NUDT19: variants seen among roughly 807,000 people sequenced by gnomAD.
The protein encoded by NUDT19 is nudix hydrolase 19, also known as acyl-coenzyme A diphosphatase NUDT19.
Under a neutral mutation model 22.2 loss-of-function variants are expected in NUDT19, and 31 were observed. The ratio of observed to expected loss-of-function variants is 1.40; its 90% CI spans 1.05 to 1.89. NUDT19 has a LOEUF of 1.89. NUDT19 is among the 40% of genes most tolerant of loss of function. NUDT19 has a pLI of 0.00. For missense variants in NUDT19, 752 were observed against 514.2 expected, an observed-to-expected ratio of 1.46 and a Z score of -4.47; for synonymous variants, 325 against 230.8, an observed-to-expected ratio of 1.41 and a Z score of -3.70.
chr19:32,700,598 T>A (rs938735556), intron 1 of NUDT19, among the ~76,000 whole-genome samples: 1 of 152,202 alleles, frequency 6.6e-6, no homozygotes, highest in Non-Finnish European at 1.5e-5. Context: ...CTTGGCTAAT[T>A]GTTTTATTTT....
chr19:32,707,265 A>C (rs866036908), intron 1 of NUDT19, among the ~76,000 whole-genome samples: 3 of 152,168 alleles, frequency 2.0e-5, no homozygotes, highest in Middle Eastern at 6.8e-3. Flanking sequence ...ACATAGAGAG[A>C]TTGGGTGGTC....
At chr19:32,703,322 A>T (rs1400145903) in intron 1 of NUDT19, among the ~76,000 whole-genome samples, 1 of 151,946 alleles carries the variant, frequency 6.6e-6, no homozygotes, top group Non-Finnish European at 1.5e-5. Context: ...TCTTAATGAG[A>T]AAAAATGTCT....
At chr19:32,705,062 C>A (rs1475507261) in intron 1 of NUDT19, among the ~76,000 whole-genome samples, 1 of 147,022 alleles carries the variant, frequency 6.8e-6, no homozygotes, top group African/African-American at 2.5e-5. Context: ...GCCGAGATCA[C>A]GCCATCGCAC....
At chr19:32,704,386 T>G (rs571026490) in intron 1 of NUDT19, among the ~76,000 whole-genome samples, 1 of 151,866 alleles carries the variant, frequency 6.6e-6, no homozygotes, top group Admixed American at 6.6e-5. Flanking sequence ...CTCAGCCTCC[T>G]GAGTAGCTGG....
At position 32,692,235 on chromosome 19, in the gene NUDT19, G is replaced by A. The variant is rs767875861; in HGVS notation, c.275G>A (p.Gly92Asp). 1.3e-6 allele frequency: 2 copies of A among 1,589,736 alleles called. No homozygotes were observed. Among genetic ancestry groups the A allele is most frequent in the South Asian group, 2.2e-5 (2 of 90,098 alleles). Residue 92 changes from glycine (G) to aspartate (D), a missense_variant, in exon 1 of 3, where the codon GGC becomes GAC. Gly to Asp is a moderately conservative substitution (Grantham distance 94). Coordinates refer to ENST00000397061, the MANE Select transcript of NUDT19 (RefSeq NM_001105570.2). ...CACGGGCCGCCGCGCTTCGGCCTGGGCCCGGCGCCATTCAGCCGCACCGCT... is the reference window on the plus strand; with the variant it reads ...CACGGGCCGCCGCGCTTCGGCCTGGACCCGGCGCCATTCAGCCGCACCGCT... Reference protein sequence around the residue: ...PHHGPPRFGLGPAPFSRTAFP... With the variant: ...PHHGPPRFGLDPAPFSRTAFP...
intron 1 of NUDT19, among the ~76,000 whole-genome samples, chr19:32,702,131 G>A (rs759303871): frequency 8.5e-5 from 13 of 152,330 alleles, no homozygotes; most frequent in African/African-American, 1.2e-4. Flanking sequence ...TCCCAGGAGA[G>A]TGCTGTAAAA....
At chr19:32,704,967 C>T (rs1599801076) in intron 1 of NUDT19, among the ~76,000 whole-genome samples, 1 of 151,662 alleles carries the variant, frequency 6.6e-6, no homozygotes, top group African/African-American at 2.4e-5. Flanking sequence ...ATTAGCTGGG[C>T]ATGGTGGCAG....
chr19:32,695,766 G>A (rs1035515681), intron 1 of NUDT19, among the ~76,000 whole-genome samples: 10 of 152,344 alleles, frequency 6.6e-5, no homozygotes, highest in Middle Eastern at 6.8e-3. Flanking sequence ...TCCCCCAGAG[G>A]TTAGGAACGC....
chr19:32,706,849 A>G (rs1968392482), intron 1 of NUDT19, among the ~76,000 whole-genome samples: 1 of 152,194 alleles, frequency 6.6e-6, no homozygotes, highest in Non-Finnish European at 1.5e-5. Context: ...TTCCTCTTGC[A>G]TAAGGGGAGA....
At position 32,692,362 on chromosome 19, in the gene NUDT19, G is replaced by A; in HGVS notation, c.402G>A (p.Glu134=). ...FRICAVREAF[E]EAGVLLLRPR... ...TCTGCGCCGTGCGGGAGGCCTTTGA[G>A]GAGGCGGGCGTGCTGCTGCTGCGGC... Residue 134 remains glutamate, a synonymous_variant, in exon 1 of 3, where the codon GAG becomes GAA. Transcript: ENST00000397061. The A allele has an allele frequency of 6.3e-7, 1 of 1,589,868 alleles. No individual in the cohort carries two copies. The highest frequency in any genetic ancestry group is 8.5e-7 in the Non-Finnish European group (1 of 1,175,856).
At chr19:32,703,698 T>C (rs1286939805) in intron 1 of NUDT19, among the ~76,000 whole-genome samples, 2 of 120,540 alleles carry the variant, frequency 1.7e-5, no homozygotes, top group Non-Finnish European at 3.3e-5. Context: ...AGTCTCACTC[T>C]GTCACCCAGG....
chr19:32,710,966 A>T (rs1968440923), intron 2 of NUDT19, among the ~76,000 whole-genome samples: 1 of 152,186 alleles, frequency 6.6e-6, no homozygotes, highest in Non-Finnish European at 1.5e-5. Flanking sequence ...TCTCTAAATT[A>T]ACCTGAAGAT....
intron 1 of NUDT19, among the ~76,000 whole-genome samples, chr19:32,703,801 T>C (rs1258412592): frequency 6.6e-6 from 1 of 151,726 alleles, no homozygotes; most frequent in Non-Finnish European, 1.5e-5. Flanking sequence ...TAGCTGAGAT[T>C]ACAGGCACCC....
At chr19:32,700,083 G>A (rs201780715) in intron 1 of NUDT19, among the ~76,000 whole-genome samples, 2 of 152,244 alleles carry the variant, frequency 1.3e-5, no homozygotes, top group Non-Finnish European at 2.9e-5. Context: ...GCAGCAGCAA[G>A]ATTTATTGCG....
rs993415102 is a variant in NUDT19, at chr19:32,708,999, C to A, written c.715-186C>A. On this transcript the variant is annotated intron_variant, in intron 1 of 2. Coordinates refer to ENST00000397061, the MANE Select transcript of NUDT19 (RefSeq NM_001105570.2). Reference sequence around the variant, plus strand: ...GAGGATCAGTGTCCTAATAAGCAACCTCTTAAGAGGATCAACCCAGCTTTC... The same window carrying A: ...GAGGATCAGTGTCCTAATAAGCAACATCTTAAGAGGATCAACCCAGCTTTC... Among the ~76,000 whole-genome samples the A allele has an allele frequency of 2.6e-5, 4 of 152,176 alleles. No individual in the cohort carries two copies. In the South Asian group the frequency reaches 8.3e-4, roughly 32 times the overall value.
rs1485865645 is a variant in NUDT19, at chr19:32,692,135, G to A, written c.175G>A (p.Ala59Thr). The A allele has an allele frequency of 1.3e-6, 2 of 1,481,864 alleles. No homozygotes were observed. Among genetic ancestry groups the A allele is most frequent in the South Asian group, 1.3e-5 (1 of 77,190 alleles). The allele number at this position is 1,481,864 out of a possible 1,614,324, so 91.8% of individuals were successfully genotyped here. The change falls in exon 1 of 3, where the codon GCG becomes ACG. Residue 59 changes from alanine to threonine, a missense_variant. Transcript: ENST00000397061. ...CCCGCACCAAGGCTTCATGCCGGGC[G>A]CGCACGTCTTCTCCGGCGGAGTGCT... ...RSPHQGFMPG[A>T]HVFSGGVLDA...
At chr19:32,698,468 C>A (rs1264967182) in intron 1 of NUDT19, among the ~76,000 whole-genome samples, 1 of 151,758 alleles carries the variant, frequency 6.6e-6, no homozygotes, top group East Asian at 1.9e-4. Context: ...TGCAACGGTC[C>A]CTGGACCCTG....
At chr19:32,700,882 T>A (rs1968327730) in intron 1 of NUDT19, among the ~76,000 whole-genome samples, 2 of 151,742 alleles carry the variant, frequency 1.3e-5, no homozygotes, top group African/African-American at 2.4e-5. Flanking sequence ...CTAGAAAAAA[T>A]TTTAAAACTT....
intron 1 of NUDT19, among the ~76,000 whole-genome samples, chr19:32,702,647 A>G (rs1456162703): frequency 1.3e-5 from 2 of 152,196 alleles, no homozygotes; most frequent in African/African-American, 4.8e-5. Context: ...CAGGCAGCAT[A>G]TAGTCTTGCT....
Sources: gnomAD v4.1 joint callset for allele counts (sites outside exome capture counted in the v4.1 genomes callset) on GRCh38, gnomAD v4.1.1 for gene constraint, MANE v1.5 for transcripts, NCBI Gene and HGNC (gene_info 2026-07-23, HGNC 2026-07-21) for gene names.